SHROOM4: variants seen among roughly 807,000 people sequenced by gnomAD.
SHROOM4 encodes protein Shroom4.
A neutral mutation model predicts 80.3 loss-of-function variants in SHROOM4; 17 were observed. The ratio of observed to expected loss-of-function variants is 0.21; its 90% CI spans 0.14 to 0.32. SHROOM4 has a LOEUF of 0.32. Among genes scored for constraint, SHROOM4 ranks in the 10% least tolerant of loss-of-function variants. The pLI, the probability that SHROOM4 is intolerant of heterozygous loss-of-function variation, is 1.00. For missense variants in SHROOM4, 993 were observed against 1,140.3 expected, an observed-to-expected ratio of 0.87 and a Z score of 1.86; for synonymous variants, 400 against 437.5, an observed-to-expected ratio of 0.91 and a Z score of 1.07.
intron 7 of SHROOM4, among the ~76,000 whole-genome samples, chrX:50,599,820 G>A (rs1186116972): frequency 1.8e-5 from 2 of 111,347 alleles, no homozygotes; most frequent in African/African-American, 6.5e-5. Context: ...TTTTTTGTCC[G>A]AGCTTTTAAG....
At chrX:50,811,385 A>G (rs935833534) in intron 1 of SHROOM4, among the ~76,000 whole-genome samples, 1 of 110,372 alleles carries the variant, frequency 9.1e-6, no homozygotes, top group Non-Finnish European at 1.9e-5. Flanking sequence ...GTCATTTTAG[A>G]TATGGGGATG....
rs1011473544 is a variant in SHROOM4 at position 50,596,399 on chromosome X, G to C, written c.*296C>G. Reference sequence around the variant, plus strand: ...GTGTCCTAGTACAAAGCAGAATGAAGGCACTTCCTTGGTTCTCTGTGCAGC... The same window carrying C: ...GTGTCCTAGTACAAAGCAGAATGAACGCACTTCCTTGGTTCTCTGTGCAGC... On this transcript the variant is annotated 3_prime_UTR_variant, in exon 9 of 9. Coordinates refer to ENST00000376020, the MANE Select transcript of SHROOM4 (RefSeq NM_020717.5). 3 of 460,567 alleles carry C rather than the reference G, an allele frequency of 6.5e-6. No homozygotes were observed. In the Admixed American group the frequency reaches 8.3e-5, roughly 13 times the overall value. The allele number at this position is 460,567 out of a possible 1,213,427, so 38.0% of individuals were successfully genotyped here.
intron 2 of SHROOM4, among the ~76,000 whole-genome samples, chrX:50,672,265 A>G (rs955530192): frequency 5.3e-5 from 6 of 112,232 alleles, no homozygotes; most frequent in African/African-American, 1.9e-4. Flanking sequence ...TACATGTGAC[A>G]CAGAGACATG....
rs782786271 is a variant in SHROOM4, at chrX:50,595,181, G to A, written c.*1514C>T. The A allele has an allele frequency of 2.0e-3, 224 of 113,147 alleles. No individual in the cohort carries two copies. The highest frequency in any genetic ancestry group is 4.6e-3 in the Middle Eastern group (1 of 219). The allele number at this position is 113,147 out of a possible 1,213,427, so 9.3% of individuals were successfully genotyped here. A position where few individuals can be genotyped will look rare whatever the true frequency, so the allele number is the denominator to read the frequency against. On this transcript the variant is annotated 3_prime_UTR_variant, in exon 9 of 9. Transcript: ENST00000376020. ...ACAGGGAGCTAAGCTGGATAACAGGGCAGCATTTGGCCATAACCCCCTTCT... is the reference window on the plus strand; with the variant it reads ...ACAGGGAGCTAAGCTGGATAACAGGACAGCATTTGGCCATAACCCCCTTCT...
At chrX:50,578,536 A>G in the SHROOM4 span, among the ~76,000 whole-genome samples, 1 of 111,319 alleles carries the variant, frequency 9.0e-6, no homozygotes, top group African/African-American at 3.3e-5. Context: ...CCATCTCCTG[A>G]CCTCATGATC....
chrX:50,685,153 G>T (rs1418543649), intron 2 of SHROOM4, among the ~76,000 whole-genome samples: 2 of 111,964 alleles, frequency 1.8e-5, no homozygotes. Context: ...GTAGCAGGAC[G>T]AAGGAAAAGG....
chrX:50,616,238 TC>T (rs1277882268), intron 5 of SHROOM4, among the ~76,000 whole-genome samples: 2 of 112,024 alleles, frequency 1.8e-5, no homozygotes, highest in Admixed American at 1.9e-4. Flanking sequence ...GTTCCCTTTT[TC>T]TTCATTCTGG....
At chrX:50,649,852 A>C (rs926771353) in intron 2 of SHROOM4, 2 of 112,422 alleles carry the variant, frequency 1.8e-5, no homozygotes, top group Admixed American at 1.9e-4. Flanking sequence ...AAGAAATTTC[A>C]TATCCTTTGA....
intron 1 of SHROOM4, among the ~76,000 whole-genome samples, chrX:50,753,738 T>C (rs1435476266): frequency 2.7e-5 from 3 of 112,598 alleles, no homozygotes; most frequent in Non-Finnish European, 5.6e-5. Flanking sequence ...TATTAACATT[T>C]GTCTCCCTTG....
chrX:50,726,409 T>C (rs1934244184), intron 1 of SHROOM4, among the ~76,000 whole-genome samples: 1 of 112,311 alleles, frequency 8.9e-6, no homozygotes, highest in South Asian at 3.7e-4. Flanking sequence ...AGCCAAATGC[T>C]AATCACCAAG....
At chrX:50,665,527 G>A (rs1393546156) in intron 2 of SHROOM4, among the ~76,000 whole-genome samples, 2 of 110,157 alleles carry the variant, frequency 1.8e-5, no homozygotes, top group South Asian at 4.0e-4. Context: ...TGAAAATACC[G>A]CTGAGACAGA....
Position 50,795,109 on chromosome X carries a change from TATATG to T in SHROOM4, c.117+18788_117+18792del, listed in dbSNP as rs1357245504. Among the ~76,000 whole-genome samples the T allele has an allele frequency of 4.8e-4, 22 of 46,187 alleles. 3 individuals are homozygous for T. Among genetic ancestry groups the T allele is most frequent in the African/African-American group, 2.0e-3 (22 of 10,961 alleles). The allele number at this position is 46,187 out of a possible 115,157, so 40.1% of individuals were successfully genotyped here. Reference sequence around the variant, plus strand: ...ATATGATATATATATATGATATATATATATGATATATATATATGATATATATATAT... The same window carrying T: ...ATATGATATATATATATGATATATATATATATATATATGATATATATATAT... On this transcript the variant is annotated intron_variant, in intron 1 of 8. Transcript: ENST00000376020.
At chrX:50,735,790 G>A (rs1284402201) in intron 1 of SHROOM4, among the ~76,000 whole-genome samples, 3 of 111,036 alleles carry the variant, frequency 2.7e-5, no homozygotes, top group South Asian at 3.8e-4. Flanking sequence ...GGCGGATCAC[G>A]AGGTCAGGAG....
At chrX:50,578,328 AC>A in the SHROOM4 span, among the ~76,000 whole-genome samples, 1 of 112,341 alleles carries the variant, frequency 8.9e-6, no homozygotes, top group East Asian at 2.8e-4. Context: ...ATTTTTTGAG[AC>A]GGAGTCTCGC....
At chrX:50,670,827 T>C (rs1380029222) in intron 2 of SHROOM4, among the ~76,000 whole-genome samples, 2 of 112,273 alleles carry the variant, frequency 1.8e-5, no homozygotes, top group Non-Finnish European at 3.8e-5. Context: ...TGGCATCTCA[T>C]TGTGGTTTTG....
At chrX:50,585,347 G>A (rs1431115367), downstream of SHROOM4, among the ~76,000 whole-genome samples, 1 of 111,648 alleles carries the variant, frequency 9.0e-6, no homozygotes, top group Non-Finnish European at 1.9e-5. Context: ...CGCTGGAATT[G>A]GCTAAATAGG....
At chrX:50,715,777 C>A (rs945096500) in intron 1 of SHROOM4, among the ~76,000 whole-genome samples, 9 of 109,055 alleles carry the variant, frequency 8.3e-5, no homozygotes, top group Admixed American at 7.9e-4. Flanking sequence ...ATTAGTACAG[C>A]CATTATGAAA....
In SHROOM4 at chrX:50,804,459, C is replaced by G. The variant is rs1028980341; in HGVS notation, c.117+9443G>C. Among the ~76,000 whole-genome samples, 38 of 112,027 alleles carry G rather than the reference C, an allele frequency of 3.4e-4. 1 individual carries two copies. The highest frequency in any genetic ancestry group is 1.0e-3 in the Admixed American group (11 of 10,548). ...CATCAAATTTCATTTCCCTCATTTC[C>G]CTCCCTCCGTCTGTCCCCCAACCTC... is the stretch of plus-strand genomic sequence containing the variant. On this transcript the variant is annotated intron_variant, in intron 1 of 8. Coordinates refer to ENST00000376020, the MANE Select transcript of SHROOM4 (RefSeq NM_020717.5).
At chrX:50,619,149 T>A (rs1930471733) in intron 5 of SHROOM4, among the ~76,000 whole-genome samples, 1 of 111,656 alleles carries the variant, frequency 9.0e-6, no homozygotes, top group Non-Finnish European at 1.9e-5. Flanking sequence ...GTTAAAATAT[T>A]TTTTTTTGGC....
Sources: gnomAD v4.1 joint callset for allele counts (sites outside exome capture counted in the v4.1 genomes callset) on GRCh38, gnomAD v4.1.1 for gene constraint, MANE v1.5 for transcripts, NCBI Gene and HGNC (gene_info 2026-07-23, HGNC 2026-07-21) for gene names.